BMP6: variants seen among roughly 807,000 people sequenced by gnomAD.
BMP6 encodes bone morphogenetic protein 6, also known as VG-1-R.
In BMP6, 17 loss-of-function variants were observed where a neutral mutation model predicts 54.1. The observed-to-expected ratio is 0.31, with a 90% CI of 0.22 to 0.47. The LOEUF (loss-of-function observed/expected upper bound fraction) is 0.47, where lower values mean the gene tolerates loss of function less well. Among genes scored for constraint, BMP6 ranks in the 20% least tolerant of loss-of-function variants. BMP6 has a pLI of 1.00. For synonymous variants in BMP6, 328 were observed against 291.2 expected, an observed-to-expected ratio of 1.13 and a Z score of -1.28; for missense variants, 720 against 690.4, an observed-to-expected ratio of 1.04 and a Z score of -0.48.
intron 1 of BMP6, among the ~76,000 whole-genome samples, chr6:7,804,123 G>T (rs1758311561): frequency 6.6e-6 from 1 of 152,112 alleles, no homozygotes; most frequent in African/African-American, 2.4e-5. Flanking sequence ...CACTAAATTG[G>T]AGCATTATAA....
At chr6:7,817,149 G>A (rs1561781387) in intron 1 of BMP6, among the ~76,000 whole-genome samples, 3 of 152,060 alleles carry the variant, frequency 2.0e-5, no homozygotes, top group Non-Finnish European at 1.5e-5. Context: ...ATGCTTTTAA[G>A]TGTGTTAATG....
At chr6:7,786,904 C>T (rs1269590916) in intron 1 of BMP6, among the ~76,000 whole-genome samples, 2 of 152,152 alleles carry the variant, frequency 1.3e-5, no homozygotes, top group African/African-American at 4.8e-5. Flanking sequence ...TCAATAATAT[C>T]TTTGACCTTC....
At chr6:7,877,348 A>G (rs1410590543) in intron 4 of BMP6, among the ~76,000 whole-genome samples, 2 of 152,144 alleles carry the variant, frequency 1.3e-5, no homozygotes, top group Admixed American at 6.5e-5. Flanking sequence ...CTGGTGGGGC[A>G]TGGTGGCTCA....
chr6:7,813,907 G>T (rs1758484062), intron 1 of BMP6, among the ~76,000 whole-genome samples: 1 of 152,086 alleles, frequency 6.6e-6, no homozygotes, highest in African/African-American at 2.4e-5. Flanking sequence ...CTTAGATGTT[G>T]CGACCACTGG....
chr6:7,864,414 A>C (rs1326613413), intron 4 of BMP6, among the ~76,000 whole-genome samples: 2 of 152,216 alleles, frequency 1.3e-5, no homozygotes, highest in Non-Finnish European at 2.9e-5. Flanking sequence ...TCATAATAGC[A>C]CTCAAAGATT....
chr6:7,831,298 G>A (rs1758789334), intron 1 of BMP6, among the ~76,000 whole-genome samples: 1 of 152,224 alleles, frequency 6.6e-6, no homozygotes, highest in Non-Finnish European at 1.5e-5. Context: ...CAAGGCCGCG[G>A]GGGAGGAGGA....
intron 2 of BMP6, among the ~76,000 whole-genome samples, chr6:7,859,444 C>G (rs773381946): frequency 4.6e-5 from 7 of 152,100 alleles, no homozygotes; most frequent in Non-Finnish European, 1.0e-4. Flanking sequence ...CCCGAGATTC[C>G]CACTGGGTCT....
chr6:7,739,896 C>A (rs1762016729), intron 1 of BMP6, among the ~76,000 whole-genome samples: 1 of 152,142 alleles, frequency 6.6e-6, no homozygotes, highest in Admixed American at 6.5e-5. Flanking sequence ...CTAAAAAATC[C>A]TCTCCTTAGT....
intron 2 of BMP6, among the ~76,000 whole-genome samples, chr6:7,856,475 G>C (rs1226478780): frequency 6.6e-6 from 1 of 151,688 alleles, no homozygotes; most frequent in African/African-American, 2.4e-5. Flanking sequence ...ATCAAGTCCA[G>C]ACGTACAAAT....
intron 1 of BMP6, among the ~76,000 whole-genome samples, chr6:7,730,762 C>CTG (rs1761840249): frequency 6.6e-6 from 1 of 152,168 alleles, no homozygotes; most frequent in South Asian, 2.1e-4. Context: ...TTCCTAATTG[C>CTG]TGTCAATGCC....
intron 3 of BMP6, 113 bp from the exon 4 acceptor site, chr6:7,862,188 A>G (rs2113277660): frequency 7.9e-7 from 1 of 1,257,990 alleles, no homozygotes. Flanking sequence ...TCTTCTTCAC[A>G]CTCATTCTTA....
chr6:7,831,333 CT>C (rs1561785457), intron 1 of BMP6, among the ~76,000 whole-genome samples: 1 of 152,076 alleles, frequency 6.6e-6, no homozygotes, highest in African/African-American at 2.4e-5. Context: ...GCTTCATGGG[CT>C]TTGTGTAGAG....
chr6:7,834,775 T>C lies in BMP6; in HGVS notation c.665-10365T>C, dbSNP rs114526227. On this transcript the variant is annotated intron_variant, in intron 1 of 6. Coordinates refer to ENST00000283147, the MANE Select transcript of BMP6 (RefSeq NM_001718.6). ...CTGGTAAATGTGTAAATAGAAGATATTACCTAAATCTAGTCCAGAGATCGG... is the reference window on the plus strand; with the variant it reads ...CTGGTAAATGTGTAAATAGAAGATACTACCTAAATCTAGTCCAGAGATCGG... Among the ~76,000 whole-genome samples the C allele has an allele frequency of 8.9e-3, 1,353 of 152,308 alleles. 17 individuals carry two copies. Among genetic ancestry groups the C allele is most frequent in the African/African-American group, 0.031 (1,282 of 41,570 alleles).
At chr6:7,830,261 A>G (rs1192963763) in intron 1 of BMP6, among the ~76,000 whole-genome samples, 3 of 151,778 alleles carry the variant, frequency 2.0e-5, no homozygotes, top group Non-Finnish European at 4.4e-5. Flanking sequence ...TCAGTCTACA[A>G]CCTCTGTCTA....
chr6:7,850,654 A>T (rs1485817392), intron 2 of BMP6, among the ~76,000 whole-genome samples: 1 of 152,246 alleles, frequency 6.6e-6, no homozygotes, highest in Non-Finnish European at 1.5e-5. Flanking sequence ...ACTCTGAACC[A>T]TTCACAGAGA....
chr6:7,754,914 T>A (rs1757489573), intron 1 of BMP6, among the ~76,000 whole-genome samples: 1 of 152,088 alleles, frequency 6.6e-6, no homozygotes, highest in Non-Finnish European at 1.5e-5. Context: ...GAGACCGGGT[T>A]TCACCGTGTT....
intron 1 of BMP6, among the ~76,000 whole-genome samples, chr6:7,777,087 C>G (rs557784423): frequency 1.3e-5 from 2 of 152,312 alleles, no homozygotes; most frequent in South Asian, 2.1e-4. Context: ...AAATCACAGC[C>G]CTTAGGGCTC....
intron 1 of BMP6, among the ~76,000 whole-genome samples, chr6:7,793,441 G>A (rs2113186815): frequency 6.6e-6 from 1 of 152,256 alleles, no homozygotes; most frequent in East Asian, 1.9e-4. Flanking sequence ...TACTACAATG[G>A]TAGATGCATG....
chr6:7,870,628 AACAAC>A (rs1561797419), intron 4 of BMP6, among the ~76,000 whole-genome samples: 1 of 151,600 alleles, frequency 6.6e-6, no homozygotes, highest in African/African-American at 2.4e-5. Context: ...TTTTTTAAAA[AACAAC>A]AACAACAACA....
Sources: gnomAD v4.1 joint callset for allele counts (sites outside exome capture counted in the v4.1 genomes callset) on GRCh38, gnomAD v4.1.1 for gene constraint, MANE v1.5 for transcripts, NCBI Gene and HGNC (gene_info 2026-07-23, HGNC 2026-07-21) for gene names.